Variants in ROR2 observed in about 807,000 individuals in gnomAD.
The protein encoded by ROR2 is ROR family WNT receptor 2.
In ROR2, 33 loss-of-function variants were observed where a neutral mutation model predicts 74.9. The ratio of observed to expected loss-of-function variants is 0.44; its 90% confidence interval spans 0.33 to 0.59. The LOEUF (loss-of-function observed/expected upper bound fraction) is 0.59, where lower values mean the gene tolerates loss of function less well. Among genes scored for constraint, ROR2 ranks in the 20% least tolerant of loss-of-function variants. The pLI, the probability that ROR2 is intolerant of heterozygous loss-of-function variation, is 0.02. For synonymous variants in ROR2, 586 were observed against 558.7 expected (o/e 1.05, Z -0.69); for missense variants, 1,216 against 1,313.8 (o/e 0.93, Z 1.15).
chr9:91,754,202 A>AAT (rs952543805), intron 4 of ROR2, among the ~76,000 whole-genome samples: 8 of 150,966 alleles, frequency 5.3e-5, no homozygotes, highest in Admixed American at 4.6e-4. Context: ...AATTTATATA[A>AAT]ATATATATAT....
At chr9:91,760,362 G>T (rs887442748) in intron 2 of ROR2, among the ~76,000 whole-genome samples, 1 of 152,184 alleles carries the variant, frequency 6.6e-6, no homozygotes, top group Non-Finnish European at 1.5e-5. Flanking sequence ...GGCTAGGTGC[G>T]GTGGCTCACG....
At chr9:91,841,195 G>A (rs1828772158) in intron 1 of ROR2, among the ~76,000 whole-genome samples, 1 of 152,238 alleles carries the variant, frequency 6.6e-6, no homozygotes, top group African/African-American at 2.4e-5. Context: ...GATCTGCACG[G>A]ATGACCTGGA....
chr9:91,762,501 A>G (rs567544967), intron 2 of ROR2, among the ~76,000 whole-genome samples: 65 of 152,334 alleles, frequency 4.3e-4, no homozygotes, highest in Middle Eastern at 6.8e-3. Flanking sequence ...AAAATGCTGC[A>G]AACATACAGA....
chr9:91,794,718 TA>T (rs929511462), intron 1 of ROR2, among the ~76,000 whole-genome samples: 8 of 148,704 alleles, frequency 5.4e-5, no homozygotes, highest in South Asian at 2.1e-4. Flanking sequence ...CTTTTTCAAT[TA>T]AAAAAAAAAC....
intron 2 of ROR2, among the ~76,000 whole-genome samples, chr9:91,762,101 A>AC (rs928842332): frequency 3.3e-5 from 5 of 151,820 alleles, no homozygotes; most frequent in Non-Finnish European, 5.9e-5. Flanking sequence ...AACATTAGGG[A>AC]CCCCCTCTTT....
At chr9:91,904,050 T>TA (rs1564029378) in intron 1 of ROR2, among the ~76,000 whole-genome samples, 1 of 146,800 alleles carries the variant, frequency 6.8e-6, no homozygotes, top group African/African-American at 2.6e-5. Context: ...TTGTTTTTTT[T>TA]TGGGGGGGGG....
At chr9:91,849,099 G>C (rs999507172) in intron 1 of ROR2, among the ~76,000 whole-genome samples, 3 of 152,140 alleles carry the variant, frequency 2.0e-5, no homozygotes, top group Admixed American at 2.0e-4. Flanking sequence ...CCACACTTCG[G>C]AAGTGACTCT....
intron 1 of ROR2, among the ~76,000 whole-genome samples, chr9:91,860,417 G>A (rs553262558): frequency 3.7e-4 from 56 of 152,288 alleles, no homozygotes; most frequent in African/African-American, 9.9e-4. Context: ...ACATGCCAAC[G>A]GACAAAATGT....
chr9:91,824,256 G>A (rs1396044914), intron 1 of ROR2, among the ~76,000 whole-genome samples: 1 of 152,208 alleles, frequency 6.6e-6, no homozygotes, highest in African/African-American at 2.4e-5. Flanking sequence ...TGATGAAGCT[G>A]GGCATTACAT....
intron 3 of ROR2, among the ~76,000 whole-genome samples, chr9:91,756,936 G>GATTAACAAAA (rs1825770712): frequency 1.3e-5 from 2 of 151,958 alleles, no homozygotes; most frequent in Admixed American, 6.6e-5. Context: ...TTTTAGTAGA[G>GATTAACAAAA]ATGGAGTTTC....
At chr9:91,768,900 G>C (rs1826142322) in intron 2 of ROR2, among the ~76,000 whole-genome samples, 1 of 152,214 alleles carries the variant, frequency 6.6e-6, no homozygotes, top group Non-Finnish European at 1.5e-5. Flanking sequence ...GCCAATAGGA[G>C]GATAAAGGGT....
rs1362919831 is a variant in ROR2 at position 91,814,286 on chromosome 9, C to T, written c.98-38468G>A. Among the ~76,000 whole-genome samples, 3 of 152,316 alleles carry T rather than the reference C, an allele frequency of 2.0e-5. No individual in the cohort carries two copies. The East Asian group carries it at 5.8e-4, about 29-fold the overall frequency. On this transcript the variant is annotated intron_variant, in intron 1 of 8. Coordinates refer to ENST00000375708, the MANE Select transcript of ROR2 (RefSeq NM_004560.4). ...ATCTATTTTTGATCGTGGAAGGCAT[C>T]CCTCTGCCTCTAGAAGGCAACAGCC...
rs2494787 is a variant in ROR2 at position 91,806,790 on chromosome 9, C to T, written c.98-30972G>A. ...ATTTTTAGTAGAGACGGGGTTTCAC[C>T]GTGTTAGCCAGGATGGTCTCGATCT... On this transcript the variant is annotated intron_variant, in intron 1 of 8. Transcript: ENST00000375708. 4.3e-3 allele frequency among the ~76,000 whole-genome samples: 651 copies of T among 152,196 alleles called. 18 individuals carry two copies. In the East Asian group the frequency reaches 0.057, roughly 13 times the overall value.
chr9:91,855,426 C>T (rs190960378), intron 1 of ROR2, among the ~76,000 whole-genome samples: 2 of 152,190 alleles, frequency 1.3e-5, no homozygotes, highest in Non-Finnish European at 2.9e-5. Flanking sequence ...TGGCCCTAGG[C>T]GAGGTCGGGA....
At chr9:91,926,543 C>CAAAAAAAAAAAAAAA (rs34550588) in intron 1 of ROR2, among the ~76,000 whole-genome samples, 5 of 101,144 alleles carry the variant, frequency 4.9e-5, no homozygotes, top group Admixed American at 1.2e-4. Flanking sequence ...GACTCCATCT[C>CAAAAAAAAAAAAAAA]AAAAAAAAAA....
intron 1 of ROR2, among the ~76,000 whole-genome samples, chr9:91,920,278 G>A (rs1188750251): frequency 6.6e-6 from 1 of 152,196 alleles, no homozygotes; most frequent in Non-Finnish European, 1.5e-5. Flanking sequence ...AGGTCGAAGT[G>A]GGAGGTCACT....
chr9:91,844,732 T>TA (rs1302844498), intron 1 of ROR2, among the ~76,000 whole-genome samples: 1 of 152,076 alleles, frequency 6.6e-6, no homozygotes, highest in Non-Finnish European at 1.5e-5. Flanking sequence ...CCTACACTGT[T>TA]AGGAAGGTTG....
intron 1 of ROR2, among the ~76,000 whole-genome samples, chr9:91,903,138 C>T (rs185165598): frequency 1.5e-3 from 210 of 144,582 alleles, no homozygotes; most frequent in African/African-American, 4.9e-3. Flanking sequence ...AATACATATA[C>T]TTAAACAAAA....
chr9:91,769,752 C>T (rs867590739), intron 2 of ROR2, among the ~76,000 whole-genome samples: 2 of 152,218 alleles, frequency 1.3e-5, no homozygotes, highest in East Asian at 1.9e-4. Flanking sequence ...ACTCCCGTCC[C>T]GGCCCCGCCT....
Sources: allele counts gnomAD v4.1 joint callset (sites outside exome capture counted in the v4.1 genomes callset), GRCh38; gene constraint gnomAD v4.1.1; transcripts MANE v1.5; gene names NCBI Gene and HGNC (gene_info 2026-07-23, HGNC 2026-07-21).